CRIM1: variants seen among roughly 807,000 people sequenced by gnomAD.
CRIM1 encodes the protein cysteine rich transmembrane BMP regulator 1.
CRIM1 carries 32 observed loss-of-function variants against 116.4 expected under a neutral mutation model. The ratio of observed to expected loss-of-function variants is 0.27; its 90% confidence interval spans 0.21 to 0.37. CRIM1 has a LOEUF of 0.37. Ranked by LOEUF, CRIM1 falls within the 10% of genes least tolerant of loss-of-function variation. CRIM1 has a pLI of 1.00. For synonymous variants in CRIM1, 590 were observed against 509.2 expected (o/e 1.16, Z -2.13); for missense variants, 1,331 against 1,354.8 (o/e 0.98, Z 0.28).
At chr2:36,476,481 C>T (rs1678985093) in intron 5 of CRIM1, among the ~76,000 whole-genome samples, 1 of 152,058 alleles carries the variant, frequency 6.6e-6, no homozygotes, top group Non-Finnish European at 1.5e-5. Flanking sequence ...CAAAAAAGAC[C>T]ATAATAAAAT....
At chr2:36,418,335 G>T (rs562927610) in intron 2 of CRIM1, among the ~76,000 whole-genome samples, 3 of 152,010 alleles carry the variant, frequency 2.0e-5, no homozygotes, top group Non-Finnish European at 4.4e-5. Flanking sequence ...AGATGGTCTC[G>T]CTCTGACACC....
intron 7 of CRIM1, among the ~76,000 whole-genome samples, chr2:36,497,275 G>C (rs1036613186): frequency 6.6e-6 from 1 of 152,168 alleles, no homozygotes; most frequent in African/African-American, 2.4e-5. Flanking sequence ...AATCGCTCTA[G>C]AACATAGAAG....
chr2:36,500,686 T>A (rs1680924064), intron 8 of CRIM1, among the ~76,000 whole-genome samples: 1 of 152,214 alleles, frequency 6.6e-6, no homozygotes, highest in Non-Finnish European at 1.5e-5. Flanking sequence ...TATCCTTATC[T>A]AAATCACTGA....
At chr2:36,367,032 TCCC>T (rs1465754967) in intron 1 of CRIM1, among the ~76,000 whole-genome samples, 2 of 152,192 alleles carry the variant, frequency 1.3e-5, no homozygotes, top group Admixed American at 6.5e-5. Context: ...TTTTCTCACT[TCCC>T]ATATTTGGGA....
intron 1 of CRIM1, among the ~76,000 whole-genome samples, chr2:36,385,486 A>C (rs191524639): frequency 2.6e-5 from 4 of 152,118 alleles, no homozygotes; most frequent in African/African-American, 9.7e-5. Flanking sequence ...AGTTGAGATC[A>C]TGTTTATATT....
At chr2:36,512,485 G>A in intron 10 of CRIM1, 91 bp downstream of exon 10, 1 of 1,393,638 alleles carries the variant, frequency 7.2e-7, no homozygotes, top group South Asian at 1.4e-5. Context: ...AATGGTTTCG[G>A]TGGTTGCTGC....
At chr2:36,536,219 G>A (rs848517) in intron 13 of CRIM1, among the ~76,000 whole-genome samples, 63,393 of 152,042 alleles carry the variant, frequency 0.42, 13,542 homozygotes, top group Middle Eastern at 0.52. Flanking sequence ...TGGGCTTCTC[G>A]TCGTGCCCTG....
At chr2:36,365,842 T>A (rs1037461539) in intron 1 of CRIM1, among the ~76,000 whole-genome samples, 2 of 151,882 alleles carry the variant, frequency 1.3e-5, no homozygotes, top group African/African-American at 4.8e-5. Context: ...CAAGCGATTC[T>A]CCTGCCTCAG....
chr2:36,380,148 C>T lies in CRIM1; in HGVS notation c.332-16466C>T, dbSNP rs543018096. The stretch of plus-strand genomic sequence containing the variant: ...CTGTTTCCTTCCCTGCAAGAGTCTG[C>T]GTTTATCAGTCAGGTACTCCTGTCC... On this transcript the variant is annotated intron_variant, in intron 1 of 16. Transcript: ENST00000280527. Among the ~76,000 whole-genome samples, 14 of 152,292 alleles carry T rather than the reference C, an allele frequency of 9.2e-5. No individual in the cohort carries two copies. In the South Asian group the frequency reaches 2.3e-3, roughly 25 times the overall value.
At chr2:36,483,405 G>A (rs1021697181) in intron 7 of CRIM1, among the ~76,000 whole-genome samples, 1 of 152,196 alleles carries the variant, frequency 6.6e-6, no homozygotes, top group Non-Finnish European at 1.5e-5. Context: ...ATTGTTATGT[G>A]TCAGGTTTAA....
rs59203042 is a variant in CRIM1 at position 36,363,529 on chromosome 2, G to GCCCC, written c.331+6915_331+6918dup. Reference sequence around the variant, plus strand: ...GTTACTGAATTCAGCAGTCGTCGCCGCCCCCCCCCCCCATGACTATCTTTT... The same window carrying GCCCC: ...GTTACTGAATTCAGCAGTCGTCGCCGCCCCCCCCCCCCCCCCATGACTATCTTTT... On this transcript the variant is annotated intron_variant, in intron 1 of 16. Coordinates refer to ENST00000280527, the MANE Select transcript of CRIM1 (RefSeq NM_016441.3). Among the ~76,000 whole-genome samples, 12 of 77,842 alleles carry GCCCC rather than the reference G, an allele frequency of 1.5e-4. 2 individuals are homozygous for GCCCC. Among genetic ancestry groups the GCCCC allele is most frequent in the South Asian group, 8.8e-4 (2 of 2,284 alleles). The allele number at this position is 77,842 out of a possible 152,430, so 51.1% of individuals were successfully genotyped here.
chr2:36,375,204 A>T (rs1254064926), intron 1 of CRIM1, among the ~76,000 whole-genome samples: 1 of 152,188 alleles, frequency 6.6e-6, no homozygotes, highest in Non-Finnish European at 1.5e-5. Flanking sequence ...CCATCTTATA[A>T]ATTAAAACCA....
intron 2 of CRIM1, among the ~76,000 whole-genome samples, chr2:36,437,751 C>G (rs946316188): frequency 2.6e-5 from 4 of 152,156 alleles, no homozygotes; most frequent in African/African-American, 4.8e-5. Context: ...AAAGGCAGCT[C>G]TTAAGACATA....
At chr2:36,513,960 T>C (rs892828053) in intron 11 of CRIM1, among the ~76,000 whole-genome samples, 195 bp downstream of exon 11, 1 of 152,182 alleles carries the variant, frequency 6.6e-6, no homozygotes, top group African/African-American at 2.4e-5. Flanking sequence ...CCAGAGAAAA[T>C]TCTATCATTG....
chr2:36,504,316 T>A (rs376316677), intron 8 of CRIM1, among the ~76,000 whole-genome samples: 7 of 152,336 alleles, frequency 4.6e-5, no homozygotes, highest in South Asian at 2.1e-4. Context: ...TTAAAAATAG[T>A]CCTTACCCTT....
intron 8 of CRIM1, among the ~76,000 whole-genome samples, chr2:36,509,091 A>G (rs1047501365): frequency 6.6e-6 from 1 of 152,230 alleles, no homozygotes; most frequent in Non-Finnish European, 1.5e-5. Context: ...GAATATTTTA[A>G]TTACTATCAT....
chr2:36,479,032 A>G (rs913891690), intron 6 of CRIM1, among the ~76,000 whole-genome samples: 1 of 152,230 alleles, frequency 6.6e-6, no homozygotes, highest in African/African-American at 2.4e-5. Context: ...ATGGTCGTGC[A>G]GGTACATGAG....
At chr2:36,460,808 C>G (rs543830572) in intron 4 of CRIM1, among the ~76,000 whole-genome samples, 1 of 152,140 alleles carries the variant, frequency 6.6e-6, no homozygotes, top group South Asian at 2.1e-4. Flanking sequence ...CCTCAAGTTA[C>G]CACAAAATAG....
intron 2 of CRIM1, among the ~76,000 whole-genome samples, chr2:36,423,418 G>A (rs575798076): frequency 7.2e-5 from 11 of 152,334 alleles, no homozygotes; most frequent in South Asian, 2.1e-4. Context: ...CTCAAGTACC[G>A]TATCCACTTT....
Sources: gnomAD v4.1 joint callset for allele counts (sites outside exome capture counted in the v4.1 genomes callset) on GRCh38, gnomAD v4.1.1 for gene constraint, MANE v1.5 for transcripts, NCBI Gene and HGNC (gene_info 2026-07-23, HGNC 2026-07-21) for gene names.